HDHD5: variants seen among roughly 807,000 people sequenced by gnomAD.
HDHD5 encodes haloacid dehalogenase-like hydrolase domain-containing 5.
In HDHD5, 34 loss-of-function variants were observed where a neutral mutation model predicts 35.5. That is an observed-to-expected ratio of 0.96 (90% CI 0.73 to 1.28). HDHD5 has a LOEUF of 1.28. Among genes scored for constraint, HDHD5 ranks in the 50% most tolerant of loss-of-function variants. The probability of loss-of-function intolerance (pLI) is 0.00; values close to 1 mark genes in which losing one functional copy is unlikely to be tolerated. For missense variants in HDHD5, 589 were observed against 560.2 expected, an observed-to-expected ratio of 1.05 and a Z score of -0.52; for synonymous variants, 248 against 240.6, an observed-to-expected ratio of 1.03 and a Z score of -0.29.
rs141864642 is a variant in HDHD5 at position 17,140,924 on chromosome 22, C to A, written c.746+135G>T. 7 of 712,786 alleles carry A rather than the reference C, an allele frequency of 9.8e-6. No individual in the cohort carries two copies. The East Asian group carries it at 2.3e-4, about 23-fold the overall frequency. The allele number at this position is 712,786 out of a possible 1,614,324, so 44.2% of individuals were successfully genotyped here. ...AGCCCTTCCAAAGGCCAGGTTACTG[C>A]AGCAACAACAGGGCCTACCTAAGTG... On this transcript the variant is annotated intron_variant, in intron 6 of 7. Coordinates refer to ENST00000336737, the MANE Select transcript of HDHD5 (RefSeq NM_033070.3).
upstream of HDHD5, chr22:17,159,324 T>G: frequency 9.1e-7 from 1 of 1,102,326 alleles, no homozygotes; most frequent in Non-Finnish European, 1.1e-6. Context: ...GCACAGCCAA[T>G]CAGCGGTCGG....
At chr22:17,142,250 C>G (rs1601380937) in intron 5 of HDHD5, 1 of 152,298 alleles carries the variant, frequency 6.6e-6, no homozygotes, top group East Asian at 1.9e-4. Context: ...TTTCCCATGT[C>G]CTCATAACAT....
At chr22:17,157,151 A>G (rs183404891) in intron 1 of HDHD5, among the ~76,000 whole-genome samples, 2 of 151,836 alleles carry the variant, frequency 1.3e-5, no homozygotes, top group Admixed American at 1.3e-4. Context: ...ATAAATGAAG[A>G]TATATTTAGT....
chr22:17,159,115 G>T lies in HDHD5; in HGVS notation c.126+11C>A. 8.1e-7 allele frequency: 1 copy of T among 1,240,272 alleles called. No individual in the cohort carries two copies. Among genetic ancestry groups the T allele is most frequent in the Non-Finnish European group, 1.0e-6 (1 of 990,280 alleles). 76.8% of individuals were successfully genotyped at this position (1,240,272 alleles called of 1,614,324 possible). A position where few individuals can be genotyped will look rare whatever the true frequency, so the allele number is the denominator to read the frequency against. ...TGGCGAGTGGCTCGGCCAGAACCCG[G>T]ACGTCCTCACCTGAGCGGGGCCCAC... is the stretch of plus-strand genomic sequence containing the variant. On this transcript the variant is annotated intron_variant, in intron 1 of 7. Coordinates refer to ENST00000336737, the MANE Select transcript of HDHD5 (RefSeq NM_033070.3).
chr22:17,165,199 C>T (rs774295446), intron 1 of HDHD5: 7 of 776,408 alleles, frequency 9.0e-6, no homozygotes, highest in African/African-American at 1.7e-5. Flanking sequence ...GAAGAGGAAA[C>T]GTGAGTTACC....
chr22:17,160,733 T>C (rs1341677074), upstream of HDHD5, among the ~76,000 whole-genome samples: 1 of 152,024 alleles, frequency 6.6e-6, no homozygotes, highest in Non-Finnish European at 1.5e-5. Context: ...AAGGGCAAGA[T>C]CTTAATTCAG....
intron 1 of HDHD5, among the ~76,000 whole-genome samples, chr22:17,151,540 G>A (rs2061724753): frequency 1.3e-5 from 2 of 151,996 alleles, no homozygotes. Flanking sequence ...GACCAGCCTG[G>A]CCAACATGGT....
chr22:17,151,638 G>A (rs2061725749), intron 1 of HDHD5, among the ~76,000 whole-genome samples: 1 of 151,264 alleles, frequency 6.6e-6, no homozygotes, highest in Admixed American at 6.6e-5. Flanking sequence ...GCTGAGGCAG[G>A]AGAATCACTT....
upstream of HDHD5, among the ~76,000 whole-genome samples, chr22:17,161,030 G>A (rs773091911): frequency 1.1e-4 from 16 of 152,062 alleles, no homozygotes; most frequent in Non-Finnish European, 1.9e-4. Context: ...CAAGTCAGGC[G>A]GATCATCTGA....
intron 1 of HDHD5, among the ~76,000 whole-genome samples, chr22:17,155,827 G>T (rs2123876074): frequency 1.3e-5 from 2 of 152,278 alleles, no homozygotes; most frequent in South Asian, 4.1e-4. Flanking sequence ...GGTCCCTTAA[G>T]ATTATAATGG....
Position 17,138,458 on chromosome 22 carries a change from G to C in HDHD5, c.935+92C>G. On this transcript the variant is annotated intron_variant, in intron 7 of 7. Coordinates refer to ENST00000336737, the MANE Select transcript of HDHD5 (RefSeq NM_033070.3). ...GAGAAGAGTTTCGGGGCAGAAGAGT[G>C]AATTAGATATAGGGAAATGGGGGTG... The C allele has an allele frequency of 1.9e-6, 3 of 1,540,634 alleles. No homozygotes were observed. In the East Asian group the frequency reaches 6.8e-5, roughly 35 times the overall value.
chr22:17,149,901 T>G (rs1466803114), intron 1 of HDHD5, among the ~76,000 whole-genome samples, 156 bp from the exon 2 acceptor site: 1 of 145,022 alleles, frequency 6.9e-6, no homozygotes, highest in Non-Finnish European at 1.5e-5. Context: ...AGGGCAATCT[T>G]TAAATAGAAA....
chr22:17,163,616 A>G (rs553374609), upstream of HDHD5, among the ~76,000 whole-genome samples: 16 of 152,272 alleles, frequency 1.1e-4, no homozygotes, highest in Admixed American at 3.9e-4. Context: ...CCCAGCACTG[A>G]TATCTGTGGG....
intron 3 of HDHD5, among the ~76,000 whole-genome samples, chr22:17,146,494 C>G (rs2061665134): frequency 6.9e-6 from 1 of 145,478 alleles, no homozygotes; most frequent in Non-Finnish European, 1.5e-5. Context: ...GTGGCGCCCT[C>G]CTGTGAGCTT....
chr22:17,152,940 A>T (rs2061745052), intron 1 of HDHD5, among the ~76,000 whole-genome samples: 2 of 152,068 alleles, frequency 1.3e-5, no homozygotes, highest in South Asian at 4.2e-4. Context: ...GCCAAGCAGG[A>T]GGAGGGCAGG....
upstream of HDHD5, among the ~76,000 whole-genome samples, chr22:17,161,957 T>C (rs1601409840): frequency 6.6e-6 from 1 of 152,298 alleles, no homozygotes; most frequent in East Asian, 1.9e-4. Context: ...CACTGACTTT[T>C]TAATAAATAA....
upstream of HDHD5, chr22:17,159,393 A>G (rs531655799): frequency 3.3e-4 from 317 of 957,524 alleles, no homozygotes; most frequent in Non-Finnish European, 4.5e-4. Flanking sequence ...TCGGGCGCCT[A>G]TGGAACTCGA....
intron 3 of HDHD5, 57 bp from the exon 4 acceptor site, chr22:17,145,174 A>T: frequency 6.2e-7 from 1 of 1,605,742 alleles, no homozygotes; most frequent in Non-Finnish European, 8.5e-7. Flanking sequence ...GCCTTTCTGA[A>T]TGCATCAAAT....
chr22:17,139,083 T>G (rs992743758), intron 6 of HDHD5, among the ~76,000 whole-genome samples: 2 of 152,220 alleles, frequency 1.3e-5, no homozygotes, highest in Non-Finnish European at 2.9e-5. Context: ...TCCCCTTCTT[T>G]GCTGGTGTCC....
Sources: allele counts gnomAD v4.1 joint callset (sites outside exome capture counted in the v4.1 genomes callset), GRCh38; gene constraint gnomAD v4.1.1; transcripts MANE v1.5; gene names NCBI Gene and HGNC (gene_info 2026-07-23, HGNC 2026-07-21).